Variants in EBF1 observed in about 807,000 individuals in gnomAD.
The protein encoded by EBF1 is transcription factor COE1.
EBF1 carries 10 observed loss-of-function variants against 68.4 expected under a neutral mutation model. The ratio of observed to expected loss-of-function variants is 0.15; its 90% CI spans 0.09 to 0.25. The LOEUF is 0.25. EBF1 is among the 10% of genes least tolerant of loss of function. The pLI, the probability that EBF1 is intolerant of heterozygous loss-of-function variation, is 1.00. For synonymous variants in EBF1, 298 were observed against 299.8 expected, an observed-to-expected ratio of 0.99 and a Z score of 0.06; for missense variants, 509 against 794.4, an observed-to-expected ratio of 0.64 and a Z score of 4.32.
At chr5:158,889,627 A>G (rs1800765200) in intron 6 of EBF1, among the ~76,000 whole-genome samples, 1 of 152,206 alleles carries the variant, frequency 6.6e-6, no homozygotes, top group Non-Finnish European at 1.5e-5. Flanking sequence ...AAAGGTTTCT[A>G]GAATCTAGAG....
chr5:158,895,105 C>T (rs1801912959), intron 6 of EBF1, among the ~76,000 whole-genome samples: 1 of 152,046 alleles, frequency 6.6e-6, no homozygotes, highest in East Asian at 1.9e-4. Context: ...AATTTATTTA[C>T]CAGCTGAGGA....
intron 6 of EBF1, among the ~76,000 whole-genome samples, chr5:159,049,601 G>A (rs966458776): frequency 2.0e-5 from 3 of 152,190 alleles, no homozygotes; most frequent in Admixed American, 2.0e-4. Flanking sequence ...AAGAAGCCAG[G>A]ACTAAATTGA....
chr5:158,941,209 GAC>G (rs1433893698), intron 6 of EBF1: 5 of 455,840 alleles, frequency 1.1e-5, no homozygotes, highest in Non-Finnish European at 2.2e-5. Flanking sequence ...ACTCATTCCA[GAC>G]ACACACATTT....
intron 6 of EBF1, among the ~76,000 whole-genome samples, chr5:158,864,765 G>T (rs1370001717): frequency 6.6e-6 from 1 of 152,178 alleles, no homozygotes; most frequent in African/African-American, 2.4e-5. Context: ...AGGGCAAGAA[G>T]GAGCCCAGCC....
chr5:158,859,531 A>T lies in EBF1; in HGVS notation c.555-19421T>A, dbSNP rs561324136. 1.3e-3 allele frequency among the ~76,000 whole-genome samples: 195 copies of T among 152,344 alleles called. 1 individual carries two copies. Among genetic ancestry groups the T allele is most frequent in the Middle Eastern group, 3.4e-3 (1 of 292 alleles). On this transcript the variant is annotated intron_variant, in intron 6 of 15. Coordinates refer to ENST00000313708, the MANE Select transcript of EBF1 (RefSeq NM_024007.5). ...TGGCTTCATTTGGCTGTGAACACCT[A>T]GAAGGGGTCAAGAGGGTTGAGGCTT...
At chr5:158,953,834 T>C (rs1180986140) in intron 6 of EBF1, among the ~76,000 whole-genome samples, 2 of 152,150 alleles carry the variant, frequency 1.3e-5, no homozygotes, top group African/African-American at 2.4e-5. Context: ...GGTTTTATAA[T>C]TGAGTTTCAT....
intron 10 of EBF1, among the ~76,000 whole-genome samples, chr5:158,756,982 A>AG (rs1359249801): frequency 1.3e-5 from 2 of 151,610 alleles, no homozygotes; most frequent in Admixed American, 6.6e-5. Context: ...ATGCTGAAAA[A>AG]AAAAAAAAAA....
chr5:158,777,815 T>C (rs1775605584), intron 9 of EBF1, among the ~76,000 whole-genome samples: 2 of 152,194 alleles, frequency 1.3e-5, no homozygotes, highest in South Asian at 4.1e-4. Flanking sequence ...ATTTATCTAC[T>C]ACAGGATATC....
At chr5:159,041,427 A>G (rs902493085) in intron 6 of EBF1, among the ~76,000 whole-genome samples, 1 of 152,222 alleles carries the variant, frequency 6.6e-6, no homozygotes, top group Non-Finnish European at 1.5e-5. Flanking sequence ...CGTTTAAAAA[A>G]ATAAATACTA....
intron 6 of EBF1, among the ~76,000 whole-genome samples, chr5:159,030,713 T>C (rs1347771491): frequency 6.6e-6 from 1 of 152,034 alleles, no homozygotes; most frequent in Non-Finnish European, 1.5e-5. Flanking sequence ...CCTGAGCACA[T>C]TAAAGGAATA....
Position 158,788,172 on chromosome 5 carries a change from A to T in EBF1, c.909+8173T>A, listed in dbSNP as rs1261784360. On this transcript the variant is annotated intron_variant, in intron 9 of 15. Transcript: ENST00000313708. Reference sequence around the variant, plus strand: ...ATTCAAGGAAGAGGGAATGCCCTTAAATCAGGATAATTAAAGATGGAAAGG... The same window carrying T: ...ATTCAAGGAAGAGGGAATGCCCTTATATCAGGATAATTAAAGATGGAAAGG... Among the ~76,000 whole-genome samples the T allele has an allele frequency of 3.3e-5, 5 of 152,336 alleles. No individual in the cohort carries two copies. In the East Asian group the frequency reaches 9.6e-4, roughly 29 times the overall value.
Position 158,734,467 on chromosome 5 carries a change from G to A in EBF1, c.1037-3310C>T, listed in dbSNP as rs542456333. Among the ~76,000 whole-genome samples the A allele has an allele frequency of 3.3e-5, 5 of 152,226 alleles. No individual in the cohort carries two copies. In the East Asian group the frequency reaches 9.6e-4, roughly 29 times the overall value. On this transcript the variant is annotated intron_variant, in intron 10 of 15. Transcript: ENST00000313708. ...TACTTTTGGCCAGTTGTATAAATATGTGACTATTCATAAACTCTCTGAAAA... is the reference window on the plus strand; with the variant it reads ...TACTTTTGGCCAGTTGTATAAATATATGACTATTCATAAACTCTCTGAAAA...
rs1453934951 is a variant in EBF1 at position 159,099,608 on chromosome 5, A to T, written c.-130T>A. The T allele has an allele frequency of 7.9e-7, 1 of 1,267,346 alleles. No individual in the cohort carries two copies. Among genetic ancestry groups the T allele is most frequent in the Admixed American group, 3.0e-5 (1 of 32,818 alleles). The allele number at this position is 1,267,346 out of a possible 1,614,324, so 78.5% of individuals were successfully genotyped here. On this transcript the variant is annotated 5_prime_UTR_variant, in exon 1 of 16. Transcript: ENST00000313708. ...CAGAGATTTTTTTTTTTCTCAGACG[A>T]TGAACTCGCACTTAGAAGATCAAGG...
At chr5:158,847,384 C>T (rs1235283785) in intron 6 of EBF1, among the ~76,000 whole-genome samples, 1 of 152,130 alleles carries the variant, frequency 6.6e-6, no homozygotes, top group Non-Finnish European at 1.5e-5. Context: ...AGGTAGAGGA[C>T]AGGACAACTA....
At chr5:159,024,435 C>G (rs899601706) in intron 6 of EBF1, among the ~76,000 whole-genome samples, 9 of 152,130 alleles carry the variant, frequency 5.9e-5, no homozygotes, top group African/African-American at 2.2e-4. Context: ...AAGCCCTTGA[C>G]AGTCCTATCG....
intron 7 of EBF1, among the ~76,000 whole-genome samples, chr5:158,828,031 G>A (rs1459151760): frequency 6.6e-6 from 1 of 152,120 alleles, no homozygotes; most frequent in African/African-American, 2.4e-5. Flanking sequence ...CAGTGTTAAA[G>A]TTAGTCTGTT....
At chr5:158,938,982 T>A (rs1010941148) in intron 6 of EBF1, among the ~76,000 whole-genome samples, 1 of 152,122 alleles carries the variant, frequency 6.6e-6, no homozygotes, top group Non-Finnish European at 1.5e-5. Context: ...TCACTGAACA[T>A]AACGTGTGCT....
chr5:158,891,812 T>C (rs1403037166), intron 6 of EBF1, among the ~76,000 whole-genome samples: 2 of 152,198 alleles, frequency 1.3e-5, no homozygotes, highest in Non-Finnish European at 1.5e-5. Context: ...TCCTATGAAC[T>C]AGAAATTTCT....
At position 158,698,274 on chromosome 5, in the gene EBF1, C is replaced by T. The variant is rs1561661115; in HGVS notation, c.*837G>A. ...AGGAGATTCTCACACAGTATGTGTGCCACCAAGCTCTCGAGAGGCCATCGG... is the reference window on the plus strand; with the variant it reads ...AGGAGATTCTCACACAGTATGTGTGTCACCAAGCTCTCGAGAGGCCATCGG... On this transcript the variant is annotated 3_prime_UTR_variant, in exon 16 of 16. Coordinates refer to ENST00000313708, the MANE Select transcript of EBF1 (RefSeq NM_024007.5). 4 of 221,160 alleles carry T rather than the reference C, an allele frequency of 1.8e-5. No individual in the cohort carries two copies. Among genetic ancestry groups the T allele is most frequent in the Non-Finnish European group, 3.6e-5 (4 of 110,396 alleles). 13.7% of individuals were successfully genotyped at this position (221,160 alleles called of 1,614,324 possible).
Sources: gnomAD v4.1 joint callset for allele counts (sites outside exome capture counted in the v4.1 genomes callset) on GRCh38, gnomAD v4.1.1 for gene constraint, MANE v1.5 for transcripts, NCBI Gene and HGNC (gene_info 2026-07-23, HGNC 2026-07-21) for gene names.